FARSB: variants seen among roughly 807,000 people sequenced by gnomAD.
The protein encoded by FARSB is phenylalanyl-tRNA synthetase subunit beta, also known as phenylalanine--tRNA ligase beta subunit.
A neutral mutation model predicts 69.6 loss-of-function variants in FARSB; 40 were observed. That is an observed-to-expected ratio of 0.57 (90% CI 0.45 to 0.75). The LOEUF (loss-of-function observed/expected upper bound fraction) is 0.75. FARSB is among the 30% of genes least tolerant of loss of function. The pLI is 0.00. For missense variants in FARSB, 632 were observed against 722.9 expected, an observed-to-expected ratio of 0.87 and a Z score of 1.44; for synonymous variants, 235 against 247.2, an observed-to-expected ratio of 0.95 and a Z score of 0.46.
rs1415912597 is a variant in FARSB at position 222,642,266 on chromosome 2, G to T, written c.269+585C>A. Among the ~76,000 whole-genome samples, 3 of 152,196 alleles carry T rather than the reference G, an allele frequency of 2.0e-5. No homozygotes were observed. The South Asian group carries it at 6.2e-4, about 31-fold the overall frequency. On this transcript the variant is annotated intron_variant, in intron 3 of 16. Transcript: ENST00000281828. Reference sequence around the variant, plus strand: ...TCCACCAGCCTCGGCCTCCCGAAGTGCTGGGATTATGGGCATGAGCCACCA... The same window carrying T: ...TCCACCAGCCTCGGCCTCCCGAAGTTCTGGGATTATGGGCATGAGCCACCA...
chr2:222,606,004 T>G (rs565471060), intron 15 of FARSB, among the ~76,000 whole-genome samples: 1 of 152,218 alleles, frequency 6.6e-6, no homozygotes, highest in African/African-American at 2.4e-5. Context: ...GTTTATAGCA[T>G]ACACATACAA....
chr2:222,641,400 C>T (rs1691715295), intron 3 of FARSB, among the ~76,000 whole-genome samples: 2 of 152,164 alleles, frequency 1.3e-5, no homozygotes, highest in African/African-American at 4.8e-5. Flanking sequence ...GTAAATGGTG[C>T]ATTTTGAAGG....
chr2:222,589,481 A>G (rs1321959167), intron 16 of FARSB, among the ~76,000 whole-genome samples: 5 of 151,654 alleles, frequency 3.3e-5, no homozygotes, highest in African/African-American at 1.2e-4. Context: ...AAACACCAAA[A>G]GCAATGGCAA....
chr2:222,604,217 TAAA>T (rs781762522), intron 15 of FARSB, among the ~76,000 whole-genome samples: 2 of 130,780 alleles, frequency 1.5e-5, no homozygotes, highest in Non-Finnish European at 1.7e-5. Context: ...GACTCCGTCT[TAAA>T]AAAAAAAAAA....
rs1202618258 is a variant in FARSB, at chr2:222,624,286, T to G, written c.1156A>C (p.Thr386Pro). The G allele has an allele frequency of 6.2e-7, 1 of 1,604,526 alleles. No individual in the cohort carries two copies. The highest frequency in any genetic ancestry group is 2.2e-5 in the East Asian group (1 of 44,832). The change falls in exon 12 of 17, where the codon ACC (threonine) becomes CCC (proline). Residue 386 changes from threonine to proline, a missense_variant. Transcript: ENST00000281828. ...NIQMTLPKTY[T>P]IANQFPLNKL... Reference sequence around the variant, plus strand: ...TGCAATCTTACTTGATTAGCTATGGTGTAAGTTTTCGGGAGAGTCATCTGA... The same window carrying G: ...TGCAATCTTACTTGATTAGCTATGGGGTAAGTTTTCGGGAGAGTCATCTGA...
chr2:222,609,469 A>T (rs944573276), intron 15 of FARSB, among the ~76,000 whole-genome samples: 1 of 152,176 alleles, frequency 6.6e-6, no homozygotes, highest in Non-Finnish European at 1.5e-5. Flanking sequence ...TCAACTGAAA[A>T]ATTTACCCCA....
chr2:222,643,756 G>A (rs1691780511), intron 2 of FARSB, among the ~76,000 whole-genome samples: 1 of 152,210 alleles, frequency 6.6e-6, no homozygotes, highest in East Asian at 1.9e-4. Flanking sequence ...TAGTGCAGCA[G>A]AATGAAGGCA....
chr2:222,630,691 GA>G (rs1270463246), intron 8 of FARSB, among the ~76,000 whole-genome samples: 2 of 151,580 alleles, frequency 1.3e-5, no homozygotes, highest in Admixed American at 1.3e-4. Context: ...AAAATTCTTA[GA>G]AAAAAAATAC....
rs754923092 is a variant in FARSB at position 222,613,791 on chromosome 2, C to A, written c.1462+20G>T. Reference sequence around the variant, plus strand: ...AATGTTTTAAATACACAAATCAAATCAAAGGTGACTTATTCTTACCTGTAT... The same window carrying A: ...AATGTTTTAAATACACAAATCAAATAAAAGGTGACTTATTCTTACCTGTAT... On this transcript the variant is annotated intron_variant, in intron 15 of 16. Transcript: ENST00000281828. The A allele has an allele frequency of 7.3e-7, 1 of 1,372,760 alleles. No homozygotes were observed. The highest frequency in any genetic ancestry group is 1.2e-5 in the South Asian group (1 of 84,448). 85.0% of individuals were successfully genotyped at this position (1,372,760 alleles called of 1,614,324 possible).
chr2:222,599,047 AACC>A, intron 16 of FARSB, among the ~76,000 whole-genome samples: 1 of 152,130 alleles, frequency 6.6e-6, no homozygotes, highest in Middle Eastern at 3.4e-3. Flanking sequence ...AAAATTAAAC[AACC>A]ACCAACAAAA....
At position 222,570,471 on chromosome 2, in the gene FARSB, T is replaced by C. The variant is rs1689697888; in HGVS notation, c.*1400A>G. ...GTCAGGTTTTCTCCTAGTAGTAGAC[T>C]CAGCAAAAGATCCATAAACATAATT... On this transcript the variant is annotated 3_prime_UTR_variant, in exon 17 of 17. Coordinates refer to ENST00000281828, the MANE Select transcript of FARSB (RefSeq NM_005687.5). The C allele has an allele frequency of 6.6e-6, 1 of 152,124 alleles. No homozygotes were observed. The highest frequency in any genetic ancestry group is 2.4e-5 in the African/African-American group (1 of 41,420). The allele number at this position is 152,124 out of a possible 1,614,324, so 9.4% of individuals were successfully genotyped here.
At chr2:222,644,558 G>A (rs1691800043) in intron 2 of FARSB, 1 of 455,450 alleles carries the variant, frequency 2.2e-6, no homozygotes, top group Non-Finnish European at 4.4e-6. Context: ...GCAGATCTCA[G>A]GAGGGACCTA....
chr2:222,571,822 G>A lies in FARSB; in HGVS notation c.*49C>T. The A allele has an allele frequency of 6.5e-7, 1 of 1,527,504 alleles. No individual in the cohort carries two copies. The highest frequency in any genetic ancestry group is 9.0e-7 in the Non-Finnish European group (1 of 1,115,312). 94.6% of individuals were successfully genotyped at this position (1,527,504 alleles called of 1,614,324 possible). A position where few individuals can be genotyped will look rare whatever the true frequency, so the allele number is the denominator to read the frequency against. On this transcript the variant is annotated 3_prime_UTR_variant, in exon 17 of 17. Transcript: ENST00000281828. ...GGAGGAGGACTTAAGGACACTAGGG[G>A]AGGAGAAAGGGACACCTGGGAAGAG... is the stretch of plus-strand genomic sequence containing the variant.
chr2:222,603,260 T>C (rs562534220), intron 15 of FARSB, among the ~76,000 whole-genome samples: 4 of 152,234 alleles, frequency 2.6e-5, no homozygotes, highest in African/African-American at 4.8e-5. Flanking sequence ...TTAGCATACA[T>C]TGAGCAAAAC....
chr2:222,575,357 A>G (rs1181131097), intron 16 of FARSB, among the ~76,000 whole-genome samples: 2 of 152,232 alleles, frequency 1.3e-5, no homozygotes, highest in African/African-American at 4.8e-5. Flanking sequence ...ACAAAAACAT[A>G]TTTTTAGAGA....
intron 14 of FARSB, among the ~76,000 whole-genome samples, chr2:222,616,430 C>T (rs1209121855): frequency 6.6e-6 from 1 of 151,628 alleles, no homozygotes; most frequent in Non-Finnish European, 1.5e-5. Context: ...GCCTGTAGTC[C>T]CAGCTACTCG....
chr2:222,593,754 C>T (rs1159309672), intron 16 of FARSB, among the ~76,000 whole-genome samples: 1 of 151,624 alleles, frequency 6.6e-6, no homozygotes, highest in East Asian at 1.9e-4. Context: ...GCCTGTAGTC[C>T]CGGCTACACT....
At chr2:222,594,026 G>A (rs928940703) in intron 16 of FARSB, among the ~76,000 whole-genome samples, 1 of 145,692 alleles carries the variant, frequency 6.9e-6, no homozygotes, top group Admixed American at 7.3e-5. Context: ...GGAGGCCAAG[G>A]CAGGTGGATT....
At chr2:222,605,611 T>C (rs1014472722) in intron 15 of FARSB, among the ~76,000 whole-genome samples, 14 of 152,082 alleles carry the variant, frequency 9.2e-5, no homozygotes, top group Non-Finnish European at 1.3e-4. Flanking sequence ...AATAATAAAA[T>C]CACAATTAAA....
Sources: allele counts gnomAD v4.1 joint callset (sites outside exome capture counted in the v4.1 genomes callset), GRCh38; gene constraint gnomAD v4.1.1; transcripts MANE v1.5; gene names NCBI Gene and HGNC (gene_info 2026-07-23, HGNC 2026-07-21).